The following SNX3 variants were observed in gnomAD, a reference collection of about 807,000 sequenced individuals.
SNX3 encodes sorting nexin 3.
SNX3 carries 5 observed loss-of-function variants against 17.7 expected under a neutral mutation model. The observed-to-expected ratio is 0.28, with a 90% CI of 0.15 to 0.59. The LOEUF is 0.59. SNX3 is among the 20% of genes least tolerant of loss of function. The pLI is 0.88. For missense variants in SNX3, 132 were observed against 206.8 expected, an observed-to-expected ratio of 0.64 and a Z score of 2.22; for synonymous variants, 91 against 76.5, an observed-to-expected ratio of 1.19 and a Z score of -0.99.
chr6:108,249,440 AAATT>A (rs1775785745), intron 1 of SNX3, among the ~76,000 whole-genome samples: 1 of 152,240 alleles, frequency 6.6e-6, no homozygotes, highest in South Asian at 2.1e-4. Context: ...AAAAAATAAT[AAATT>A]AATTAATTCT....
rs80182942 is a variant in SNX3 at position 108,254,143 on chromosome 6, A to G, written c.162+6617T>C. Among the ~76,000 whole-genome samples, 3 of 140,398 alleles carry G rather than the reference A, an allele frequency of 2.1e-5. No homozygotes were observed. In the East Asian group the frequency reaches 6.4e-4, roughly 30 times the overall value. The allele number at this position is 140,398 out of a possible 152,430, so 92.1% of individuals were successfully genotyped here. ...TTCCGTCTCAAAGAAAAAAAAAAAAACCGCCACTGCCCAAACCCCACCCCA... is the reference window on the plus strand; with the variant it reads ...TTCCGTCTCAAAGAAAAAAAAAAAAGCCGCCACTGCCCAAACCCCACCCCA... On this transcript the variant is annotated intron_variant, in intron 1 of 3. Transcript: ENST00000230085.
intron 1 of SNX3, among the ~76,000 whole-genome samples, chr6:108,225,447 A>G (rs997828259): frequency 1.3e-5 from 2 of 151,868 alleles, no homozygotes; most frequent in Non-Finnish European, 2.9e-5. Flanking sequence ...CCTGGCTAAT[A>G]CGGTGAAACC....
chr6:108,216,451 T>C (rs1305557935), intron 2 of SNX3, among the ~76,000 whole-genome samples: 1 of 152,198 alleles, frequency 6.6e-6, no homozygotes, highest in Non-Finnish European at 1.5e-5. Context: ...TACTAATGTC[T>C]TCAAATCAAG....
intron 1 of SNX3, among the ~76,000 whole-genome samples, chr6:108,248,709 G>A (rs1775763175): frequency 6.6e-6 from 1 of 152,026 alleles, no homozygotes; most frequent in Admixed American, 6.6e-5. Flanking sequence ...AATTCACTAT[G>A]TTGTCCCATT....
chr6:108,242,411 C>G (rs535804296), intron 1 of SNX3, among the ~76,000 whole-genome samples: 4 of 152,132 alleles, frequency 2.6e-5, no homozygotes, highest in Non-Finnish European at 5.9e-5. Context: ...ATCTTGAATA[C>G]AGTGGCAAGA....
At chr6:108,250,330 A>G (rs1166006718) in intron 1 of SNX3, among the ~76,000 whole-genome samples, 1 of 152,182 alleles carries the variant, frequency 6.6e-6, no homozygotes, top group Non-Finnish European at 1.5e-5. Flanking sequence ...TAGTAAACAT[A>G]CTGTTTCAAC....
chr6:108,224,258 T>C (rs566977571), intron 1 of SNX3, among the ~76,000 whole-genome samples: 1 of 152,224 alleles, frequency 6.6e-6, no homozygotes, highest in African/African-American at 2.4e-5. Context: ...GTCATACCAC[T>C]GTGCTGGCTC....
intron 2 of SNX3, among the ~76,000 whole-genome samples, chr6:108,221,024 T>TATA: frequency 6.6e-6 from 1 of 152,234 alleles, no homozygotes; most frequent in Non-Finnish European, 1.5e-5. Flanking sequence ...CTGCCCACTA[T>TATA]ATACTGAAAA....
intron 1 of SNX3, among the ~76,000 whole-genome samples, chr6:108,248,783 C>CG (rs750039541): frequency 7.3e-5 from 11 of 150,948 alleles, no homozygotes; most frequent in Non-Finnish European, 1.5e-4. Flanking sequence ...TTTTTTGAGA[C>CG]GGGGTCTCAC....
At chr6:108,260,142 G>T (rs1252426971) in intron 1 of SNX3, among the ~76,000 whole-genome samples, 1 of 152,230 alleles carries the variant, frequency 6.6e-6, no homozygotes, top group African/African-American at 2.4e-5. Context: ...TGAGGTAGGT[G>T]ACACCACACC....
At chr6:108,231,038 T>G (rs1176567843) in intron 1 of SNX3, among the ~76,000 whole-genome samples, 2 of 150,588 alleles carry the variant, frequency 1.3e-5, no homozygotes, top group East Asian at 3.9e-4. Flanking sequence ...TTGCCAAGGG[T>G]GGAGCACAGA....
chr6:108,221,742 C>T (rs1249378403), intron 2 of SNX3, among the ~76,000 whole-genome samples: 3 of 151,492 alleles, frequency 2.0e-5, no homozygotes, highest in African/African-American at 7.3e-5. Flanking sequence ...GATGGGGTTT[C>T]GCATGTTGCC....
At position 108,236,509 on chromosome 6, in the gene SNX3, G is replaced by A. The variant is rs868766339; in HGVS notation, c.163-13464C>T. Among the ~76,000 whole-genome samples, 313 of 149,150 alleles carry A rather than the reference G, an allele frequency of 2.1e-3. 1 individual carries two copies. The highest frequency in any genetic ancestry group is 6.7e-3 in the African/African-American group (272 of 40,880). ...CGCCATTCTCCTGCCTCAGCCTCCC[G>A]AGTAGCTGGGACTACAGGCGCCCGC... On this transcript the variant is annotated intron_variant, in intron 1 of 3. Transcript: ENST00000230085.
chr6:108,236,815 A>G (rs1359552447), intron 1 of SNX3, among the ~76,000 whole-genome samples: 5 of 152,238 alleles, frequency 3.3e-5, no homozygotes. Context: ...TGAGTGATAC[A>G]TATATTAATA....
intron 1 of SNX3, among the ~76,000 whole-genome samples, chr6:108,237,768 G>T (rs144695081): frequency 6.7e-6 from 1 of 149,964 alleles, no homozygotes; most frequent in East Asian, 2.0e-4. Context: ...CAGCCTGAGG[G>T]ACAAGAGTGA....
chr6:108,240,958 C>T (rs1323410026), intron 1 of SNX3, among the ~76,000 whole-genome samples: 12 of 151,284 alleles, frequency 7.9e-5, no homozygotes, highest in South Asian at 2.1e-4. Context: ...CTGGCCAACA[C>T]GGTGAAACCC....
intron 1 of SNX3, among the ~76,000 whole-genome samples, chr6:108,242,197 A>C (rs559357506): frequency 6.6e-6 from 1 of 152,298 alleles, no homozygotes; most frequent in East Asian, 1.9e-4. Context: ...AGGGACCTGT[A>C]GGATACTAAC....
intron 1 of SNX3, among the ~76,000 whole-genome samples, chr6:108,246,668 C>A (rs1157865830): frequency 1.3e-5 from 2 of 150,500 alleles, no homozygotes; most frequent in African/African-American, 4.9e-5. Context: ...TTTTTTTATT[C>A]TTTTGCCTGG....
At chr6:108,239,575 C>A (rs1775456479) in intron 1 of SNX3, among the ~76,000 whole-genome samples, 5 of 152,168 alleles carry the variant, frequency 3.3e-5, no homozygotes, top group Admixed American at 3.3e-4. Flanking sequence ...TAATGTAGGG[C>A]AAATATTATG....
Sources: gnomAD v4.1 joint callset for allele counts (sites outside exome capture counted in the v4.1 genomes callset) on GRCh38, gnomAD v4.1.1 for gene constraint, MANE v1.5 for transcripts, NCBI Gene and HGNC (gene_info 2026-07-23, HGNC 2026-07-21) for gene names.